Variants in PRRC2B observed in about 807,000 individuals in gnomAD.
PRRC2B encodes the protein protein PRRC2B.
Under a neutral mutation model 242.3 loss-of-function variants are expected in PRRC2B, and 68 were observed. That is an observed-to-expected ratio of 0.28 (90% CI 0.23 to 0.34). The LOEUF (loss-of-function observed/expected upper bound fraction) is 0.34. Ranked by LOEUF, PRRC2B falls within the 10% of genes least tolerant of loss-of-function variation. The probability of loss-of-function intolerance (pLI) is 1.00; values close to 1 mark genes in which losing one functional copy is unlikely to be tolerated. For missense variants in PRRC2B, 2,835 were observed against 2,954.8 expected (o/e 0.96, Z 0.94); for synonymous variants, 1,228 against 1,173.6 (o/e 1.05, Z -0.95).
chr9:131,374,646 C>T (rs891287844), intron 1 of PRRC2B, among the ~76,000 whole-genome samples: 1 of 152,064 alleles, frequency 6.6e-6, no homozygotes, highest in Non-Finnish European at 1.5e-5. Context: ...CTGCCTCAGC[C>T]TCCTGAGTAG....
chr9:131,433,213 C>T (rs1838236900), intron 3 of PRRC2B, among the ~76,000 whole-genome samples: 1 of 152,190 alleles, frequency 6.6e-6, no homozygotes, highest in South Asian at 2.1e-4. Flanking sequence ...CTGAGCTCTG[C>T]AGAGAATCAT....
intron 1 of PRRC2B, among the ~76,000 whole-genome samples, chr9:131,409,603 G>T (rs534145798): frequency 1.3e-5 from 2 of 152,326 alleles, no homozygotes; most frequent in East Asian, 1.9e-4. Context: ...GTGGGGGCCG[G>T]GCTGGGCTGG....
chr9:131,405,191 T>G (rs1364614554), intron 1 of PRRC2B, among the ~76,000 whole-genome samples: 2 of 152,196 alleles, frequency 1.3e-5, no homozygotes, highest in Non-Finnish European at 2.9e-5. Flanking sequence ...GCAGCTCCGT[T>G]CACAGTGCAG....
In PRRC2B at chr9:131,494,280, G is replaced by C; in HGVS notation, c.6474-125G>C. The C allele has an allele frequency of 1.6e-6, 1 of 614,484 alleles. No individual in the cohort carries two copies. 38.1% of individuals were successfully genotyped at this position (614,484 alleles called of 1,614,324 possible). On this transcript the variant is annotated intron_variant, in intron 30 of 31. Coordinates refer to ENST00000683519, the MANE Select transcript of PRRC2B (RefSeq NM_013318.4). This position sits in a 1 kb window ranked among gnomAD's most constrained non-coding sequence, Gnocchi z 4.3. ...TTTCCATCCAAGAGATCCACGGACC[G>C]TCCCGAGTGAGCGCCTCTGGCCGCA... is the stretch of plus-strand genomic sequence containing the variant.
At position 131,479,339 on chromosome 9, in the gene PRRC2B, G is replaced by A. The variant is rs371968924; in HGVS notation, c.4846G>A (p.Val1616Met). The A allele has an allele frequency of 5.6e-6, 9 of 1,613,850 alleles. No individual in the cohort carries two copies. Among genetic ancestry groups the A allele is most frequent in the African/African-American group, 4.0e-5 (3 of 74,928 alleles). The change falls in exon 19 of 32, where the codon GTG (valine) becomes ATG (methionine). Residue 1616 changes from valine to methionine, a missense_variant. By Grantham distance (21) the Val-to-Met change is conservative. Transcript: ENST00000683519. ...CAACTTATGTCTGGAGCAAGGTGAC[G>A]TGACCGTGCCTGGCAGCAGCCTGGG... ...QNNLCLEQGD[V>M]TVPGSSLGTE... is the part of the protein sequence containing the mutation.
At chr9:131,399,769 T>G (rs1243724720) in intron 1 of PRRC2B, among the ~76,000 whole-genome samples, 1 of 152,210 alleles carries the variant, frequency 6.6e-6, no homozygotes, top group Non-Finnish European at 1.5e-5. Context: ...CTTTTCCCCT[T>G]TTAATGTTAT....
In PRRC2B at chr9:131,438,978, C is replaced by T; in HGVS notation, c.397-11C>T. 2 of 1,608,412 alleles carry T rather than the reference C, an allele frequency of 1.2e-6. No individual in the cohort carries two copies. On this transcript the variant is annotated splice_polypyrimidine_tract_variant and intron_variant, in intron 4 of 31. Transcript: ENST00000683519. ...GAGCTGGCCCTCTTCTGATTCTCTT[C>T]CTTCTTTCAGAATACAAATTCAGTG...
intron 1 of PRRC2B, among the ~76,000 whole-genome samples, chr9:131,396,651 CCTCTT>C (rs1418061558): frequency 6.6e-6 from 1 of 152,060 alleles, no homozygotes; most frequent in Non-Finnish European, 1.5e-5. Context: ...CTTATTTTTT[CCTCTT>C]CTCTTGGTTG....
chr9:131,415,183 G>A (rs1335370241), intron 1 of PRRC2B, among the ~76,000 whole-genome samples: 1 of 149,708 alleles, frequency 6.7e-6, no homozygotes, highest in Admixed American at 6.6e-5. Context: ...TAGTAGAGAC[G>A]GGGGTTTTAC....
intron 3 of PRRC2B, among the ~76,000 whole-genome samples, chr9:131,435,020 G>A (rs189587318): frequency 3.3e-5 from 5 of 152,252 alleles, no homozygotes; most frequent in South Asian, 2.1e-4. Flanking sequence ...ATTCTTGGCC[G>A]GGTGCAGTGG....
At chr9:131,409,011 G>A (rs866099680) in intron 1 of PRRC2B, among the ~76,000 whole-genome samples, 3 of 137,770 alleles carry the variant, frequency 2.2e-5, no homozygotes, top group Admixed American at 7.4e-5. Flanking sequence ...GAGTCACTGC[G>A]CTCAGCCACT....
At chr9:131,469,564 C>T (rs951109916) in intron 13 of PRRC2B, among the ~76,000 whole-genome samples, 1 of 152,100 alleles carries the variant, frequency 6.6e-6, no homozygotes. Context: ...ACAGAACTGT[C>T]CAGGGAATCA....
chr9:131,392,638 AC>A (rs1836921034), upstream of PRRC2B, among the ~76,000 whole-genome samples: 1 of 152,108 alleles, frequency 6.6e-6, no homozygotes, highest in Admixed American at 6.6e-5. Context: ...ATGATGTAAA[AC>A]AGAGTGGCCG....
chr9:131,399,050 C>T (rs1316078391), intron 1 of PRRC2B, among the ~76,000 whole-genome samples: 5 of 150,850 alleles, frequency 3.3e-5, no homozygotes, highest in Admixed American at 2.6e-4. Flanking sequence ...CCGAGGTGGG[C>T]GGATCACCTG....
At chr9:131,400,382 G>A (rs1348592293) in intron 1 of PRRC2B, among the ~76,000 whole-genome samples, 2 of 151,580 alleles carry the variant, frequency 1.3e-5, no homozygotes, top group Non-Finnish European at 2.9e-5. Flanking sequence ...GCAGCCGTGC[G>A]ATCTTGGCTC....
At chr9:131,491,333 G>T in intron 28 of PRRC2B, 92 bp from the exon 29 acceptor site, 1 of 1,247,306 alleles carries the variant, frequency 8.0e-7, no homozygotes, top group Non-Finnish European at 1.1e-6. Context: ...TGAAGTGTAT[G>T]AATCTGAAGT....
intron 13 of PRRC2B, among the ~76,000 whole-genome samples, chr9:131,470,446 A>C (rs891620066): frequency 4.6e-5 from 7 of 151,910 alleles, no homozygotes; most frequent in African/African-American, 1.7e-4. Flanking sequence ...ACAAGGAGAG[A>C]AGTGGCCAAT....
At chr9:131,440,049 C>T (rs568209927) in intron 5 of PRRC2B, among the ~76,000 whole-genome samples, 1 of 152,170 alleles carries the variant, frequency 6.6e-6, no homozygotes, top group Non-Finnish European at 1.5e-5. Flanking sequence ...ACCACCACGC[C>T]TGGCTTATTG....
At chr9:131,489,249 A>G (rs1226722968) in intron 28 of PRRC2B, among the ~76,000 whole-genome samples, 4 of 150,274 alleles carry the variant, frequency 2.7e-5, no homozygotes, top group African/African-American at 7.4e-5. Context: ...CAGTGGCGCA[A>G]TCTCGGCTCA....
Sources: gnomAD v4.1 joint callset for allele counts (sites outside exome capture counted in the v4.1 genomes callset) on GRCh38, gnomAD v4.1.1 for gene constraint, Gnocchi (gnomAD v3.1) non-coding constraint, MANE v1.5 for transcripts, NCBI Gene and HGNC (gene_info 2026-07-23, HGNC 2026-07-21) for gene names.